The following CUBN variants were observed in gnomAD, a reference collection of about 807,000 sequenced individuals.
The protein encoded by CUBN is 460 kDa receptor.
Under a neutral mutation model 405.3 loss-of-function variants are expected in CUBN, and 282 were observed. The observed-to-expected ratio is 0.70, with a 90% CI of 0.63 to 0.77. The LOEUF (loss-of-function observed/expected upper bound fraction) is 0.77, where lower values mean the gene tolerates loss of function less well. Ranked by LOEUF, CUBN falls within the 30% of genes least tolerant of loss-of-function variation. The pLI, the probability that CUBN is intolerant of heterozygous loss-of-function variation, is 0.00. For missense variants in CUBN, 4,514 were observed against 4,475.2 expected (o/e 1.01, Z -0.25); for synonymous variants, 1,684 against 1,617.0 (o/e 1.04, Z -0.99).
intron 31 of CUBN, among the ~76,000 whole-genome samples, chr10:16,970,209 A>G (rs893283340): frequency 6.6e-6 from 1 of 152,264 alleles, no homozygotes; most frequent in African/African-American, 2.4e-5. Context: ...TTTCCATTTC[A>G]TATTTGAATT....
rs567627753 is a variant in CUBN at position 17,129,748 on chromosome 10, T to C, written c.18A>G (p.Leu6=). The change falls in exon 1 of 67, where the codon TTA becomes TTG. Residue 6 remains leucine (L), a synonymous_variant. Coordinates refer to ENST00000377833, the MANE Select transcript of CUBN (RefSeq NM_001081.4). MMNMS[L]PFLWSLLTLL... is the part of the protein sequence containing the mutation. Reference sequence around the variant, plus strand: ...AGGTAAGCAAACTCCAAAGAAAAGGTAAAGACATGTTCATCATCAACCTCC... The same window carrying C: ...AGGTAAGCAAACTCCAAAGAAAAGGCAAAGACATGTTCATCATCAACCTCC... 2 of 1,614,056 alleles carry C rather than the reference T, an allele frequency of 1.2e-6. No homozygotes were observed. Among genetic ancestry groups the C allele is most frequent in the Non-Finnish European group, 1.7e-6 (2 of 1,179,964 alleles).
chr10:16,853,660 G>A (rs1839784832), intron 59 of CUBN, among the ~76,000 whole-genome samples: 1 of 152,188 alleles, frequency 6.6e-6, no homozygotes, highest in African/African-American at 2.4e-5. Flanking sequence ...TATATTCACA[G>A]AGGTCATATA....
intron 28 of CUBN, among the ~76,000 whole-genome samples, chr10:16,994,082 T>C (rs918421635): frequency 3.3e-5 from 5 of 152,206 alleles, no homozygotes; most frequent in African/African-American, 1.2e-4. Flanking sequence ...TGCATACATA[T>C]GTAACAAACC....
intron 28 of CUBN, among the ~76,000 whole-genome samples, chr10:17,018,687 T>C (rs1834409772): frequency 6.6e-6 from 1 of 152,096 alleles, no homozygotes; most frequent in Non-Finnish European, 1.5e-5. Flanking sequence ...GTCCTGCTGA[T>C]TGGTCCATTT....
rs1588639145 is a variant in CUBN, at chr10:16,907,656, G to A, written c.7557C>T (p.Asn2519=). 1 of 1,612,268 alleles carries A rather than the reference G, an allele frequency of 6.2e-7. No individual in the cohort carries two copies. Residue 2519 remains asparagine (N), a synonymous_variant, in exon 49 of 67, where the codon AAC becomes AAT. Transcript: ENST00000377833. The part of the protein sequence containing the change: ...HVIVFNGIRS[N]SPQLEKLCSS... The stretch of plus-strand genomic sequence containing the variant: ...TACACAGTTTCTCTAGCTGGGGTGA[G>A]TTACTTCTAATGCCATTGAATACCT...
At chr10:17,006,251 C>A (rs1245425109) in intron 28 of CUBN, among the ~76,000 whole-genome samples, 1 of 152,196 alleles carries the variant, frequency 6.6e-6, no homozygotes, top group Non-Finnish European at 1.5e-5. Context: ...CAAAAAATAT[C>A]TGCTGGCAGA....
intron 8 of CUBN, among the ~76,000 whole-genome samples, chr10:17,112,737 A>G (rs1451686570): frequency 3.3e-5 from 5 of 151,948 alleles, no homozygotes; most frequent in African/African-American, 1.2e-4. Flanking sequence ...AAATCACTAC[A>G]TGGGGCAATA....
intron 32 of CUBN, among the ~76,000 whole-genome samples, chr10:16,952,780 A>G (rs1842953693): frequency 6.6e-6 from 1 of 152,236 alleles, no homozygotes; most frequent in Admixed American, 6.5e-5. Context: ...ATAAGGCTTC[A>G]TAAGGATGAC....
chr10:16,925,553 T>C (rs1406125966), intron 42 of CUBN, 31 bp downstream of exon 42: 9 of 1,613,074 alleles, frequency 5.6e-6, no homozygotes, highest in Admixed American at 1.7e-5. Context: ...CTATGGAAAA[T>C]GTAATTAGAA....
intron 23 of CUBN, 123 bp from the exon 24 acceptor site, chr10:17,046,217 C>A: frequency 1.2e-6 from 1 of 821,132 alleles, no homozygotes; most frequent in Non-Finnish European, 2.0e-6. Context: ...TAATTTCTCT[C>A]AAACACTACA....
intron 4 of CUBN, among the ~76,000 whole-genome samples, chr10:17,124,042 A>C (rs1385241169): frequency 3.9e-5 from 6 of 152,204 alleles, no homozygotes; most frequent in Admixed American, 3.9e-4. Context: ...ATAATAATGG[A>C]TGTTGCTATT....
Position 16,937,787 on chromosome 10 carries a change from G to C in CUBN, c.5734-3C>G. ...TGAATGCTAGGCCCATCATAGATCTGTACATAAAAACAGATAATAGAGCAT... is the reference window on the plus strand; with the variant it reads ...TGAATGCTAGGCCCATCATAGATCTCTACATAAAAACAGATAATAGAGCAT... On this transcript the variant is annotated splice_region_variant and splice_polypyrimidine_tract_variant and intron_variant, in intron 38 of 66. Coordinates refer to ENST00000377833, the MANE Select transcript of CUBN (RefSeq NM_001081.4). 6.2e-7 allele frequency: 1 copy of C among 1,613,452 alleles called. No homozygotes were observed. The highest frequency in any genetic ancestry group is 1.1e-5 in the South Asian group (1 of 91,050).
At chr10:16,887,450 C>A (rs2131394533) in intron 56 of CUBN, among the ~76,000 whole-genome samples, 1 of 152,244 alleles carries the variant, frequency 6.6e-6, no homozygotes, top group South Asian at 2.1e-4. Flanking sequence ...TCAATATTTT[C>A]TTTAAATGGT....
chr10:16,847,821 AT>A (rs1839563970), intron 60 of CUBN, among the ~76,000 whole-genome samples: 1 of 152,216 alleles, frequency 6.6e-6, no homozygotes, highest in South Asian at 2.1e-4. Flanking sequence ...AATTGGTATG[AT>A]TTTACTTGTG....
In CUBN at chr10:17,019,707, G is replaced by C. The variant is rs1834439877; in HGVS notation, c.4168+126C>G. 6.3e-6 allele frequency: 7 copies of C among 1,114,570 alleles called. No homozygotes were observed. In the South Asian group the frequency reaches 6.4e-5, roughly 10 times the overall value. 69.0% of individuals were successfully genotyped at this position (1,114,570 alleles called of 1,614,324 possible). On this transcript the variant is annotated intron_variant, in intron 28 of 66. Transcript: ENST00000377833. The stretch of plus-strand genomic sequence containing the variant: ...ATCTAAGTATATTTCTTAAACCCTT[G>C]CATGAGATTACTACCTGGGTTCCAT...
At chr10:17,041,631 ACG>A (rs1291201994) in intron 26 of CUBN, among the ~76,000 whole-genome samples, 6 of 152,096 alleles carry the variant, frequency 3.9e-5, no homozygotes, top group African/African-American at 1.4e-4. Context: ...TAATGTTAAC[ACG>A]TGGAAGGGAC....
intron 49 of CUBN, among the ~76,000 whole-genome samples, chr10:16,906,664 G>A (rs1204132108): frequency 6.6e-6 from 1 of 152,180 alleles, no homozygotes; most frequent in African/African-American, 2.4e-5. Context: ...GTTTGGCTCT[G>A]TATCAATAGG....
intron 44 of CUBN, 90 bp downstream of exon 44, chr10:16,919,873 T>G (rs1841983635): frequency 2.3e-6 from 3 of 1,318,926 alleles, no homozygotes; most frequent in East Asian, 4.8e-5. Context: ...TTGCAGTATG[T>G]GCTACTGAAA....
chr10:16,891,932 T>C (rs1388805380), intron 54 of CUBN, among the ~76,000 whole-genome samples: 4 of 152,156 alleles, frequency 2.6e-5, no homozygotes, highest in Non-Finnish European at 5.9e-5. Flanking sequence ...GACAACTATC[T>C]CAAACAAGGA....
Sources: gnomAD v4.1 joint callset for allele counts (sites outside exome capture counted in the v4.1 genomes callset) on GRCh38, gnomAD v4.1.1 for gene constraint, MANE v1.5 for transcripts, NCBI Gene and HGNC (gene_info 2026-07-23, HGNC 2026-07-21) for gene names.